Variants in SOX5 observed in about 807,000 individuals in gnomAD.
The protein encoded by SOX5 is SRY-box transcription factor 5.
Under a neutral mutation model 92.0 loss-of-function variants are expected in SOX5, and 9 were observed. The ratio of observed to expected loss-of-function variants is 0.10; its 90% CI spans 0.06 to 0.17. The LOEUF is 0.17. SOX5 is among the 10% of genes least tolerant of loss of function. The probability of loss-of-function intolerance (pLI) is 1.00; values close to 1 mark genes in which losing one functional copy is unlikely to be tolerated. For missense variants in SOX5, 642 were observed against 944.5 expected (o/e 0.68, Z 4.20); for synonymous variants, 344 against 336.3 (o/e 1.02, Z -0.25).
intron 1 of SOX5, among the ~76,000 whole-genome samples, chr12:24,392,696 C>T (rs962719520): frequency 3.3e-5 from 5 of 152,132 alleles, no homozygotes; most frequent in Admixed American, 1.3e-4. Flanking sequence ...AGAACCCAAA[C>T]GCTTTGAGAG....
At chr12:24,295,916 C>A (rs1947176162) in intron 2 of SOX5, among the ~76,000 whole-genome samples, 1 of 152,050 alleles carries the variant, frequency 6.6e-6, no homozygotes, top group Admixed American at 6.5e-5. Flanking sequence ...AATATGCTGC[C>A]TATAGACTAT....
chr12:23,781,130 C>T (rs925668285), intron 3 of SOX5, among the ~76,000 whole-genome samples: 2 of 151,950 alleles, frequency 1.3e-5, no homozygotes, highest in African/African-American at 4.8e-5. Context: ...GACAACAGTC[C>T]CCATATTTTG....
intron 3 of SOX5, among the ~76,000 whole-genome samples, chr12:23,775,680 T>A (rs1393040303): frequency 1.3e-5 from 2 of 152,220 alleles, no homozygotes; most frequent in Non-Finnish European, 2.9e-5. Context: ...ACTGTTCAAC[T>A]GATCATCCAC....
At chr12:24,045,274 A>G (rs990684595) in intron 4 of SOX5, among the ~76,000 whole-genome samples, 15 of 152,178 alleles carry the variant, frequency 9.9e-5, no homozygotes, top group African/African-American at 3.4e-4. Flanking sequence ...TGCTTCCCTC[A>G]TAGGATTGTT....
chr12:23,618,229 G>A lies in SOX5; in HGVS notation c.1018-13696C>T, dbSNP rs999732117. Among the ~76,000 whole-genome samples the A allele has an allele frequency of 7.2e-5, 11 of 151,976 alleles. No individual in the cohort carries two copies. In the East Asian group the frequency reaches 1.4e-3, roughly 19 times the overall value. ...TTGCTGAAATTCCCTTCAAAGCAAC[G>A]GTAAGAAGAGAAATGCTTGTTCATC... On this transcript the variant is annotated intron_variant, in intron 8 of 14. Coordinates refer to ENST00000451604, the MANE Select transcript of SOX5 (RefSeq NM_006940.6).
chr12:24,225,715 G>T (rs1961777581), intron 3 of SOX5, among the ~76,000 whole-genome samples: 1 of 152,082 alleles, frequency 6.6e-6, no homozygotes. Context: ...TTCCTATGAT[G>T]GTGTTATATT....
At chr12:24,385,486 G>T (rs979430049) in intron 1 of SOX5, among the ~76,000 whole-genome samples, 1 of 152,068 alleles carries the variant, frequency 6.6e-6, no homozygotes, top group Non-Finnish European at 1.5e-5. Context: ...TGTATGTCGG[G>T]AGCATCTGAT....
At chr12:24,444,717 C>T (rs190096448) in intron 1 of SOX5, among the ~76,000 whole-genome samples, 115 of 152,284 alleles carry the variant, frequency 7.6e-4, no homozygotes, top group African/African-American at 2.4e-3. Context: ...AAATGTCTAA[C>T]GTCTGCTAAA....
chr12:24,514,092 G>C (rs1038456464), intron 1 of SOX5, among the ~76,000 whole-genome samples: 1 of 152,126 alleles, frequency 6.6e-6, no homozygotes, highest in African/African-American at 2.4e-5. Flanking sequence ...CCTCTGAATC[G>C]ACTCAAATTT....
chr12:24,409,285 G>A (rs1435430106), intron 1 of SOX5, among the ~76,000 whole-genome samples: 2 of 152,026 alleles, frequency 1.3e-5, no homozygotes, highest in East Asian at 3.9e-4. Context: ...TGAACATTGA[G>A]AACACATGGA....
At chr12:24,116,364 T>C (rs913262990) in intron 4 of SOX5, among the ~76,000 whole-genome samples, 9 of 152,150 alleles carry the variant, frequency 5.9e-5, no homozygotes, top group Admixed American at 3.9e-4. Flanking sequence ...AATGTAGCAA[T>C]TGATATAGCA....
chr12:23,751,478 C>G (rs1314056147), intron 4 of SOX5, among the ~76,000 whole-genome samples: 8 of 151,790 alleles, frequency 5.3e-5, no homozygotes, highest in Non-Finnish European at 1.0e-4. Context: ...TACCTGGGAT[C>G]TGATTCCTAT....
intron 2 of SOX5, among the ~76,000 whole-genome samples, chr12:23,892,022 T>C (rs1217362117): frequency 6.6e-6 from 1 of 152,166 alleles, no homozygotes; most frequent in Non-Finnish European, 1.5e-5. Flanking sequence ...AAGTTGAATA[T>C]CTAGTATATG....
chr12:23,835,059 A>C (rs567340519), intron 3 of SOX5, among the ~76,000 whole-genome samples: 1 of 151,856 alleles, frequency 6.6e-6, no homozygotes, highest in East Asian at 1.9e-4. Flanking sequence ...TTTAAATCAG[A>C]CTCCTCAATT....
intron 3 of SOX5, among the ~76,000 whole-genome samples, chr12:24,228,372 TG>T (rs1448592341): frequency 6.6e-6 from 1 of 152,246 alleles, no homozygotes; most frequent in Non-Finnish European, 1.5e-5. Context: ...TTCATGTTCA[TG>T]GGGATGATTA....
intron 4 of SOX5, among the ~76,000 whole-genome samples, chr12:24,112,998 A>G (rs1293257174): frequency 6.6e-6 from 1 of 152,000 alleles, no homozygotes; most frequent in East Asian, 1.9e-4. Context: ...TCCCAACCAT[A>G]TCAGACCAAA....
chr12:24,107,996 A>G (rs1398512872), intron 4 of SOX5, among the ~76,000 whole-genome samples: 4 of 152,198 alleles, frequency 2.6e-5, no homozygotes, highest in Non-Finnish European at 5.9e-5. Context: ...AAATCAAGTC[A>G]GATGTTAATT....
rs1299895954 is a variant in SOX5 at position 24,209,276 on chromosome 12, C to A, written c.-2+4067G>T. Among the ~76,000 whole-genome samples, 6 of 152,126 alleles carry A rather than the reference C, an allele frequency of 3.9e-5. No homozygotes were observed. In the East Asian group the frequency reaches 1.2e-3, roughly 29 times the overall value. Reference sequence around the variant, plus strand: ...CTGTGGCAGAAAGTGACAGGAATCACTGCAGACTCAAAAACAATCTTAGAT... The same window carrying A: ...CTGTGGCAGAAAGTGACAGGAATCAATGCAGACTCAAAAACAATCTTAGAT... On this transcript the variant is annotated intron_variant, in intron 4 of 4. Coordinates refer to the SOX5 transcript ENST00000446891.
At chr12:24,335,401 G>T (rs1951774519) in intron 2 of SOX5, among the ~76,000 whole-genome samples, 1 of 151,898 alleles carries the variant, frequency 6.6e-6, no homozygotes, top group African/African-American at 2.4e-5. Context: ...AGCCTTTATT[G>T]AGCATTTAGT....
Sources: allele counts gnomAD v4.1 joint callset (sites outside exome capture counted in the v4.1 genomes callset), GRCh38; gene constraint gnomAD v4.1.1; transcripts MANE v1.5; gene names NCBI Gene and HGNC (gene_info 2026-07-23, HGNC 2026-07-21).